HECW1: variants seen among roughly 807,000 people sequenced by gnomAD.
HECW1 encodes HECT, C2 and WW domain containing E3 ubiquitin protein ligase 1, also known as E3 ubiquitin-protein ligase HECW1.
A neutral mutation model predicts 182.3 loss-of-function variants in HECW1; 61 were observed. The ratio of observed to expected loss-of-function variants is 0.33; its 90% CI spans 0.27 to 0.41. The LOEUF (loss-of-function observed/expected upper bound fraction) is 0.41. Among genes scored for constraint, HECW1 ranks in the 10% least tolerant of loss-of-function variants. The pLI is 1.00. For synonymous variants in HECW1, 859 were observed against 832.6 expected (o/e 1.03, Z -0.55); for missense variants, 1,739 against 2,108.9 (o/e 0.82, Z 3.44).
chr7:43,140,587 G>A (rs1788053097), intron 2 of HECW1, among the ~76,000 whole-genome samples: 1 of 152,062 alleles, frequency 6.6e-6, no homozygotes, highest in Non-Finnish European at 1.5e-5. Context: ...TTTCTAAATG[G>A]CGTCCCAAAA....
chr7:43,555,038 T>C (rs2081973538), intron 29 of HECW1, among the ~76,000 whole-genome samples: 1 of 152,208 alleles, frequency 6.6e-6, no homozygotes, highest in South Asian at 2.1e-4. Flanking sequence ...ATGTGTCAGT[T>C]GTGGGATGCT....
chr7:43,418,490 G>T (rs1468172180), intron 8 of HECW1, among the ~76,000 whole-genome samples: 1 of 152,058 alleles, frequency 6.6e-6, no homozygotes, highest in Non-Finnish European at 1.5e-5. Flanking sequence ...TAGATCTTCA[G>T]AGTCCCACAG....
intron 5 of HECW1, among the ~76,000 whole-genome samples, chr7:43,342,205 T>C (rs1448832834): frequency 6.6e-6 from 1 of 151,880 alleles, no homozygotes; most frequent in Non-Finnish European, 1.5e-5. Flanking sequence ...CAGTGTTTAC[T>C]ATGAATATTT....
chr7:43,348,122 TG>T (rs1489175290), intron 5 of HECW1, among the ~76,000 whole-genome samples: 8 of 152,288 alleles, frequency 5.3e-5, no homozygotes, highest in African/African-American at 1.2e-4. Context: ...GGTAGAATTT[TG>T]CTGTGAATCT....
intron 24 of HECW1, among the ~76,000 whole-genome samples, chr7:43,537,116 C>A (rs1447869879): frequency 1.3e-5 from 2 of 152,152 alleles, no homozygotes; most frequent in Non-Finnish European, 2.9e-5. Flanking sequence ...CAACATCGGT[C>A]GAGACTCCTG....
At chr7:43,358,918 G>A (rs769076510) in intron 5 of HECW1, among the ~76,000 whole-genome samples, 55 of 141,866 alleles carry the variant, frequency 3.9e-4, no homozygotes, top group Non-Finnish European at 2.9e-4. Context: ...TCCACCTCCC[G>A]GGTTCCAGCA....
rs558232424 is a variant in HECW1, at chr7:43,146,384, T to C, written c.-32+31993T>C. Among the ~76,000 whole-genome samples the C allele has an allele frequency of 1.7e-3, 261 of 152,280 alleles. 1 individual carries two copies. The highest frequency in any genetic ancestry group is 5.9e-3 in the African/African-American group (246 of 41,556). On this transcript the variant is annotated intron_variant, in intron 2 of 29. Coordinates refer to ENST00000395891, the MANE Select transcript of HECW1 (RefSeq NM_015052.5). ...TCTCCAGAGTTTTCCAAATGTCCCA[T>C]GGGGAGCAAAATTGCCTCTGGTTGG...
At chr7:43,304,743 C>T (rs1305842688) in intron 3 of HECW1, among the ~76,000 whole-genome samples, 2 of 152,356 alleles carry the variant, frequency 1.3e-5, no homozygotes, top group East Asian at 1.9e-4. Flanking sequence ...ATATGCCCGC[C>T]TTGGCCTCCC....
chr7:43,316,753 CTCTCCCCTCCCCTTTTCTCT>C, intron 4 of HECW1, among the ~76,000 whole-genome samples: 1 of 148,776 alleles, frequency 6.7e-6, no homozygotes, highest in Non-Finnish European at 1.5e-5. Flanking sequence ...TCCAGTTCTC[CTCTCCCCTCCCCTTTTCTCT>C]CCTCCCCTCC....
intron 4 of HECW1, among the ~76,000 whole-genome samples, chr7:43,317,191 C>T (rs879750547): frequency 6.6e-5 from 10 of 152,150 alleles, no homozygotes; most frequent in Admixed American, 1.3e-4. Context: ...TCTGCAGCAG[C>T]ATCCTGTGTC....
intron 13 of HECW1, among the ~76,000 whole-genome samples, chr7:43,460,458 G>A (rs2077543475): frequency 6.6e-6 from 1 of 152,070 alleles, no homozygotes; most frequent in African/African-American, 2.4e-5. Context: ...GGGGGAGGTT[G>A]TGTAGTTGGC....
chr7:43,326,790 A>G (rs1269778226), intron 5 of HECW1, among the ~76,000 whole-genome samples: 1 of 152,234 alleles, frequency 6.6e-6, no homozygotes, highest in Non-Finnish European at 1.5e-5. Flanking sequence ...TGGAGACCAA[A>G]GGGCACTGGA....
At chr7:43,488,309 C>CA (rs1476803385) in intron 17 of HECW1, among the ~76,000 whole-genome samples, 5 of 115,942 alleles carry the variant, frequency 4.3e-5, no homozygotes, top group African/African-American at 3.4e-5. Context: ...GACTCCATCT[C>CA]AAAAAAGAAA....
chr7:43,377,209 C>T (rs967617328), intron 6 of HECW1, among the ~76,000 whole-genome samples: 6 of 152,162 alleles, frequency 3.9e-5, no homozygotes, highest in Non-Finnish European at 8.8e-5. Flanking sequence ...TACCAACTAC[C>T]TTTTCAAGCC....
At chr7:43,452,012 T>G (rs1005621292) in intron 12 of HECW1, among the ~76,000 whole-genome samples, 2 of 152,204 alleles carry the variant, frequency 1.3e-5, no homozygotes, top group Non-Finnish European at 2.9e-5. Context: ...CAACTGTAAT[T>G]TATTGGTGAG....
intron 5 of HECW1, among the ~76,000 whole-genome samples, chr7:43,321,967 G>A (rs1483915205): frequency 2.0e-5 from 3 of 152,218 alleles, no homozygotes; most frequent in Non-Finnish European, 4.4e-5. Context: ...AGACAACGAG[G>A]AAATTTTTAT....
chr7:43,486,120 C>T (rs995424346), intron 17 of HECW1, among the ~76,000 whole-genome samples: 1 of 151,882 alleles, frequency 6.6e-6, no homozygotes, highest in Non-Finnish European at 1.5e-5. Context: ...TTGATTTTCT[C>T]TTCTTGTGTT....
rs540124666 is a variant in HECW1 at position 43,335,891 on chromosome 7, TTC to T, written c.460+15155_460+15156del. Among the ~76,000 whole-genome samples, 622 of 125,164 alleles carry T rather than the reference TTC, an allele frequency of 5.0e-3. 3 individuals carry two copies. Among genetic ancestry groups the T allele is most frequent in the African/African-American group, 0.014 (431 of 31,912 alleles). The allele number at this position is 125,164 out of a possible 152,430, so 82.1% of individuals were successfully genotyped here. A position where few individuals can be genotyped will look rare whatever the true frequency, so the allele number is the denominator to read the frequency against. ...TTTCTCTTTCTCCCTTCATCTTTCT[TTC>T]TCTCTTTCTGTCTTTATCTCTTTCT... On this transcript the variant is annotated intron_variant, in intron 5 of 29. Coordinates refer to ENST00000395891, the MANE Select transcript of HECW1 (RefSeq NM_015052.5).
At chr7:43,229,876 G>C (rs1362591468) in intron 2 of HECW1, among the ~76,000 whole-genome samples, 1 of 152,116 alleles carries the variant, frequency 6.6e-6, no homozygotes. Context: ...AGCTTGTATT[G>C]GGTTGGTGCA....
Sources: gnomAD v4.1 joint callset for allele counts (sites outside exome capture counted in the v4.1 genomes callset) on GRCh38, gnomAD v4.1.1 for gene constraint, MANE v1.5 for transcripts, NCBI Gene and HGNC (gene_info 2026-07-23, HGNC 2026-07-21) for gene names.